CD33: variants seen among roughly 807,000 people sequenced by gnomAD.
CD33 encodes CD33 molecule.
In CD33, 25 loss-of-function variants were observed where a neutral mutation model predicts 31.4. The observed-to-expected ratio is 0.80, with a 90% CI of 0.58 to 1.11. CD33 has a LOEUF of 1.11. Among genes scored for constraint, CD33 ranks in the 50% most tolerant of loss-of-function variants. The probability of loss-of-function intolerance (pLI) is 0.00; values close to 1 mark genes in which losing one functional copy is unlikely to be tolerated. For synonymous variants in CD33, 176 were observed against 180.6 expected (o/e 0.97, Z 0.20); for missense variants, 407 against 448.1 (o/e 0.91, Z 0.83).
chr19:51,217,671 G>T, the CD33 span, among the ~76,000 whole-genome samples: 1 of 152,144 alleles, frequency 6.6e-6, no homozygotes, highest in East Asian at 1.9e-4. Context: ...CACCAATCTT[G>T]GCCTCCCAAA....
At chr19:51,239,407 G>T in intron 6 of CD33, 111 bp from the exon 7 acceptor site, 1 of 706,512 alleles carries the variant, frequency 1.4e-6, no homozygotes. Flanking sequence ...AAGAATGAAA[G>T]AGTGAATAAA....
At chr19:51,233,957 C>T (rs1981601323) in intron 4 of CD33, among the ~76,000 whole-genome samples, 2 of 152,144 alleles carry the variant, frequency 1.3e-5, no homozygotes, top group Non-Finnish European at 2.9e-5. Context: ...TATTCATTGC[C>T]TTGGTCCTTT....
chr19:51,212,600 A>T, the CD33 span, among the ~76,000 whole-genome samples: 1 of 150,770 alleles, frequency 6.6e-6, no homozygotes, highest in Non-Finnish European at 1.5e-5. Flanking sequence ...ATATTCACAC[A>T]CAGACCCAGC....
intron 6 of CD33, 28 bp downstream of exon 6, chr19:51,235,704 G>A (rs752348760): frequency 3.0e-5 from 47 of 1,586,806 alleles, no homozygotes; most frequent in Non-Finnish European, 3.8e-5. Context: ...CTGGCATCCA[G>A]TCTGTCCTGC....
the CD33 span, among the ~76,000 whole-genome samples, chr19:51,215,458 C>A: frequency 6.6e-6 from 1 of 152,140 alleles, no homozygotes; most frequent in African/African-American, 2.4e-5. Flanking sequence ...CACTTATATG[C>A]CCCGATCTCT....
At chr19:51,216,309 A>C in the CD33 span, among the ~76,000 whole-genome samples, 7 of 149,086 alleles carry the variant, frequency 4.7e-5, no homozygotes, top group South Asian at 1.5e-3. Flanking sequence ...TTTATTCATT[A>C]ATCTATAGAT....
At chr19:51,219,274 T>C in the CD33 span, among the ~76,000 whole-genome samples, 1 of 152,210 alleles carries the variant, frequency 6.6e-6, no homozygotes, top group Non-Finnish European at 1.5e-5. Flanking sequence ...TAGGTATTTT[T>C]CTGTTGCAAT....
At position 51,228,619 on chromosome 19, in the gene CD33, A is replaced by G. The variant is rs145402896; in HGVS notation, c.745+2263A>G. Reference sequence around the variant, plus strand: ...TATTGATTTTGCATCCTGCAAATTTACTAAATTCATTTATCAGTTCTGAGA... The same window carrying G: ...TATTGATTTTGCATCCTGCAAATTTGCTAAATTCATTTATCAGTTCTGAGA... On this transcript the variant is annotated intron_variant, in intron 4 of 6. Transcript: ENST00000262262. Among the ~76,000 whole-genome samples, 1,172 of 152,318 alleles carry G rather than the reference A, an allele frequency of 7.7e-3. 5 individuals are homozygous for G. The highest frequency in any genetic ancestry group is 0.031 in the Middle Eastern group (9 of 294).
chr19:51,235,554 C>T, intron 5 of CD33, 41 bp from the exon 6 acceptor site: 3 of 1,592,790 alleles, frequency 1.9e-6, no homozygotes, highest in Non-Finnish European at 2.6e-6. Flanking sequence ...GCCCCACAGC[C>T]TGAGAAAACC....
At chr19:51,238,460 G>A (rs1325045235) in intron 6 of CD33, 3 of 152,280 alleles carry the variant, frequency 2.0e-5, no homozygotes, top group African/African-American at 4.8e-5. Context: ...AGCATTTAAT[G>A]TTAGGGAGAT....
At chr19:51,217,234 T>G in the CD33 span, among the ~76,000 whole-genome samples, 1 of 151,996 alleles carries the variant, frequency 6.6e-6, no homozygotes, top group Admixed American at 6.6e-5. Context: ...ACAGGCAGGG[T>G]TGGAGTGAGG....
the CD33 span, among the ~76,000 whole-genome samples, chr19:51,214,423 T>G: frequency 2.0e-5 from 3 of 150,186 alleles, no homozygotes; most frequent in Admixed American, 6.6e-5. Flanking sequence ...GTCTCGAATT[T>G]CTGACCTCGT....
At chr19:51,214,187 T>G in the CD33 span, among the ~76,000 whole-genome samples, 12 of 137,878 alleles carry the variant, frequency 8.7e-5, no homozygotes, top group African/African-American at 3.0e-4. Flanking sequence ...TTTTTTTTTT[T>G]GTTTCTTTTC....
At chr19:51,213,373 A>C in the CD33 span, among the ~76,000 whole-genome samples, 2 of 151,766 alleles carry the variant, frequency 1.3e-5, no homozygotes, top group Non-Finnish European at 2.9e-5. Flanking sequence ...TAATCACTCA[A>C]AAAAAACCTC....
the CD33 span, among the ~76,000 whole-genome samples, chr19:51,216,221 CGAGTGTGTGTGTGT>C: frequency 3.6e-4 from 50 of 140,672 alleles, no homozygotes; most frequent in Non-Finnish European, 5.3e-4. Flanking sequence ...AAATGTCACC[CGAGTGTGTGTGTGT>C]GTGTGTGTGT....
rs1363657494 is a variant in CD33, at chr19:51,234,270, T to C, written c.746-887T>C. ...GTACATTTGTTACAGTCAATAAAAC[T>C]ACATTGACATATCATTGTCACCTGA... On this transcript the variant is annotated intron_variant, in intron 4 of 6. Coordinates refer to ENST00000262262, the MANE Select transcript of CD33 (RefSeq NM_001772.4). Among the ~76,000 whole-genome samples the C allele has an allele frequency of 2.0e-5, 3 of 152,206 alleles. No homozygotes were observed. The East Asian group carries it at 5.8e-4, about 29-fold the overall frequency.
chr19:51,211,454 A>T, the CD33 span: 2 of 1,569,316 alleles, frequency 1.3e-6, no homozygotes, highest in Non-Finnish European at 1.7e-6. Flanking sequence ...CTCCTTGGGG[A>T]TCCCAGTAAG....
the CD33 span, among the ~76,000 whole-genome samples, chr19:51,218,337 G>A: frequency 6.6e-6 from 1 of 152,118 alleles, no homozygotes; most frequent in Non-Finnish European, 1.5e-5. Context: ...TTTGAAAACT[G>A]CCTATTCATG....
At chr19:51,215,283 C>T in the CD33 span, among the ~76,000 whole-genome samples, 164 of 152,276 alleles carry the variant, frequency 1.1e-3, 1 homozygote, top group African/African-American at 3.4e-3. Flanking sequence ...TGTAGTCAGG[C>T]CTGTGTCTGT....
Sources: gnomAD v4.1 joint callset for allele counts (sites outside exome capture counted in the v4.1 genomes callset) on GRCh38, gnomAD v4.1.1 for gene constraint, MANE v1.5 for transcripts, NCBI Gene and HGNC (gene_info 2026-07-23, HGNC 2026-07-21) for gene names.